Variants in STYX observed in about 807,000 individuals in gnomAD.
STYX encodes serine/threonine/tyrosine interacting protein.
In STYX, 20 loss-of-function variants were observed where a neutral mutation model predicts 42.7. The ratio of observed to expected loss-of-function variants is 0.47; its 90% CI spans 0.33 to 0.68. The LOEUF is 0.68. Ranked by LOEUF, STYX falls within the 30% of genes least tolerant of loss-of-function variation. The pLI, the probability that STYX is intolerant of heterozygous loss-of-function variation, is 0.02. For synonymous variants in STYX, 78 were observed against 81.9 expected (o/e 0.95, Z 0.26); for missense variants, 226 against 268.5 (o/e 0.84, Z 1.11).
chr14:52,743,964 G>A (rs533186103), intron 1 of STYX, among the ~76,000 whole-genome samples: 1 of 151,826 alleles, frequency 6.6e-6, no homozygotes, highest in African/African-American at 2.4e-5. Context: ...TGGGATTACA[G>A]GCAGGCTCCA....
At chr14:52,766,868 T>G (rs988550519) in intron 9 of STYX, among the ~76,000 whole-genome samples, 30 of 152,176 alleles carry the variant, frequency 2.0e-4, no homozygotes, top group African/African-American at 7.0e-4. Flanking sequence ...ACTTGATTTT[T>G]CTCACGTTTG....
chr14:52,774,928 TAAAATTATTTTGTG>T lies in STYX; in HGVS notation c.*3825_*3838del, dbSNP rs1882659184. 1 of 152,204 alleles carries T rather than the reference TAAAATTATTTTGTG, an allele frequency of 6.6e-6. No individual in the cohort carries two copies. Among genetic ancestry groups the T allele is most frequent in the African/African-American group, 2.4e-5 (1 of 41,454 alleles). The allele number at this position is 152,204 out of a possible 1,614,324, so 9.4% of individuals were successfully genotyped here. On this transcript the variant is annotated 3_prime_UTR_variant, in exon 11 of 11. Coordinates refer to ENST00000354586, the MANE Select transcript of STYX (RefSeq NM_145251.4). ...TGCTGCTAGCCCAGGCACAAAGTAT[TAAAATTATTTTGTG>T]AAGATTGGTGGTTGTATTAAAACTG...
chr14:52,731,557 C>T (rs1880702230), intron 1 of STYX: 1 of 151,560 alleles, frequency 6.6e-6, no homozygotes, highest in Non-Finnish European at 1.5e-5. Flanking sequence ...CCTGCCTCAG[C>T]CTCCTGAGTA....
At chr14:52,733,641 A>G (rs1880826139) in intron 1 of STYX, among the ~76,000 whole-genome samples, 1 of 152,172 alleles carries the variant, frequency 6.6e-6, no homozygotes, top group Non-Finnish European at 1.5e-5. Flanking sequence ...TTACGGGTTT[A>G]TTATAAAGGA....
At chr14:52,745,598 A>G (rs765502960) in intron 2 of STYX, among the ~76,000 whole-genome samples, 3 of 152,230 alleles carry the variant, frequency 2.0e-5, no homozygotes, top group Non-Finnish European at 2.9e-5. Flanking sequence ...CAACTTCCAC[A>G]ATTAAGTCTT....
chr14:52,747,620 A>C (rs1881440313), intron 3 of STYX, among the ~76,000 whole-genome samples: 1 of 152,262 alleles, frequency 6.6e-6, no homozygotes, highest in Admixed American at 6.5e-5. Flanking sequence ...TTTGCTATTC[A>C]CCAAGTACTA....
chr14:52,748,415 A>G (rs1245800920), intron 3 of STYX, among the ~76,000 whole-genome samples: 6 of 152,206 alleles, frequency 3.9e-5, no homozygotes, highest in African/African-American at 1.2e-4. Context: ...GTTTTTGTAG[A>G]GATGGAGTCT....
rs530883472 is a variant in STYX, at chr14:52,750,705, G to A, written c.167G>A (p.Gly56Glu). The A allele has an allele frequency of 6.3e-7, 1 of 1,579,828 alleles. No homozygotes were observed. Residue 56 changes from glycine (G) to glutamate (E), a missense_variant, in exon 4 of 11, where the codon GGA becomes GAA. Physicochemically the swap from Gly to Glu is moderately conservative, Grantham distance 98. Coordinates refer to ENST00000354586, the MANE Select transcript of STYX (RefSeq NM_145251.4). Reference sequence around the variant, plus strand: ...CAGCTACCTGTACTACAGAAACATGGAATAACCCATATAATATGCATACGA... The same window carrying A: ...CAGCTACCTGTACTACAGAAACATGAAATAACCCATATAATATGCATACGA... ...KSKLPVLQKH[G>E]ITHIICIRQN...
intron 1 of STYX, among the ~76,000 whole-genome samples, chr14:52,738,819 TAAAA>T (rs1881066223): frequency 6.6e-6 from 1 of 152,054 alleles, no homozygotes; most frequent in Non-Finnish European, 1.5e-5. Flanking sequence ...GAGAGGAGAG[TAAAA>T]GTCAGCACCA....
chr14:52,731,736 A>G (rs751978451), intron 1 of STYX: 1 of 151,920 alleles, frequency 6.6e-6, no homozygotes, highest in Non-Finnish European at 1.5e-5. Flanking sequence ...CGCCCGGCCT[A>G]GGTTCACATT....
intron 10 of STYX, among the ~76,000 whole-genome samples, chr14:52,770,415 T>C (rs1882468510): frequency 6.6e-6 from 1 of 152,086 alleles, no homozygotes; most frequent in Non-Finnish European, 1.5e-5. Context: ...TTTTCCTCCA[T>C]TGAGAGTCTA....
chr14:52,739,304 A>T (rs1881089367), intron 1 of STYX, among the ~76,000 whole-genome samples: 1 of 151,988 alleles, frequency 6.6e-6, no homozygotes, highest in Non-Finnish European at 1.5e-5. Flanking sequence ...CCATTCCTTG[A>T]TATGTGTTGC....
rs1219136397 is a variant in STYX, at chr14:52,774,352, A to G, written c.*3246A>G. The G allele has an allele frequency of 1.3e-5, 2 of 152,108 alleles. No individual in the cohort carries two copies. The highest frequency in any genetic ancestry group is 2.9e-5 in the Non-Finnish European group (2 of 68,010). 9.4% of individuals were successfully genotyped at this position (152,108 alleles called of 1,614,324 possible). A position where few individuals can be genotyped will look rare whatever the true frequency, so the allele number is the denominator to read the frequency against. On this transcript the variant is annotated 3_prime_UTR_variant, in exon 11 of 11. Transcript: ENST00000354586. ...AAAGTTGAGATATATATATATATGTATCAAGATCTCAACTTGATGTAAAGT... is the reference window on the plus strand; with the variant it reads ...AAAGTTGAGATATATATATATATGTGTCAAGATCTCAACTTGATGTAAAGT...
intron 1 of STYX, chr14:52,731,491 A>G (rs1227596300): frequency 7.8e-6 from 1 of 128,806 alleles, no homozygotes; most frequent in Admixed American, 9.8e-5. Flanking sequence ...GCTGGAGTGC[A>G]ATGTGGCGCG....
At chr14:52,751,516 G>A (rs374757929) in intron 4 of STYX, among the ~76,000 whole-genome samples, 1 of 151,896 alleles carries the variant, frequency 6.6e-6, no homozygotes, top group East Asian at 1.9e-4. Context: ...CCAGTGCGTT[G>A]TATCAGTGTA....
In STYX at chr14:52,768,940, A is replaced by G; in HGVS notation, c.598+7A>G. ...GTTCATTCTGGTACCACAGGTAAGG[A>G]TTTTTTTCTTTTTGGAGAAATTTGG... On this transcript the variant is annotated splice_region_variant and intron_variant, in intron 10 of 10. Coordinates refer to ENST00000354586, the MANE Select transcript of STYX (RefSeq NM_145251.4). The G allele has an allele frequency of 6.4e-7, 1 of 1,560,062 alleles. No individual in the cohort carries two copies. The highest frequency in any genetic ancestry group is 1.3e-5 in the South Asian group (1 of 79,316).
intron 4 of STYX, among the ~76,000 whole-genome samples, chr14:52,751,284 T>C (rs1197307458): frequency 1.3e-5 from 2 of 152,194 alleles, no homozygotes; most frequent in East Asian, 3.8e-4. Flanking sequence ...TCTTTTTAAG[T>C]TGCATTGTAA....
intron 1 of STYX, among the ~76,000 whole-genome samples, chr14:52,737,219 TAAG>T (rs1412004933): frequency 2.0e-5 from 3 of 152,232 alleles, no homozygotes; most frequent in Non-Finnish European, 2.9e-5. Flanking sequence ...TCAATGCATA[TAAG>T]AATTATTTTA....
At chr14:52,746,563 T>C in intron 3 of STYX, 84 bp downstream of exon 3, 1 of 1,169,314 alleles carries the variant, frequency 8.6e-7, no homozygotes, top group South Asian at 1.4e-5. Flanking sequence ...AAGAGTTTTA[T>C]TTTAGGGAGC....
Sources: gnomAD v4.1 joint callset for allele counts (sites outside exome capture counted in the v4.1 genomes callset) on GRCh38, gnomAD v4.1.1 for gene constraint, MANE v1.5 for transcripts, NCBI Gene and HGNC (gene_info 2026-07-23, HGNC 2026-07-21) for gene names.